CD38: variants seen among roughly 807,000 people sequenced by gnomAD.
CD38 encodes the protein CD38 molecule.
Under a neutral mutation model 36.3 loss-of-function variants are expected in CD38, and 31 were observed. The observed-to-expected ratio is 0.85, with a 90% CI of 0.64 to 1.15. CD38 has a LOEUF of 1.15. CD38 is among the 50% of genes most tolerant of loss of function. The pLI is 0.00. For missense variants in CD38, 380 were observed against 371.9 expected (o/e 1.02, Z -0.18); for synonymous variants, 131 against 135.2 (o/e 0.97, Z 0.22).
intron 1 of CD38, among the ~76,000 whole-genome samples, chr4:15,790,558 C>T (rs879747472): frequency 9.4e-5 from 14 of 148,774 alleles, no homozygotes; most frequent in African/African-American, 2.2e-4. Context: ...TGCCTTGGCC[C>T]CCCAAAGTGC....
intron 2 of CD38, among the ~76,000 whole-genome samples, chr4:15,817,122 G>GT (rs1723619284): frequency 6.6e-6 from 1 of 152,174 alleles, no homozygotes; most frequent in African/African-American, 2.4e-5. Context: ...GGCACATCAG[G>GT]TGTCAGCATC....
intron 1 of CD38, among the ~76,000 whole-genome samples, chr4:15,788,278 C>T (rs750247720): frequency 6.6e-5 from 10 of 152,194 alleles, no homozygotes; most frequent in Non-Finnish European, 1.0e-4. Flanking sequence ...CCACCCAGTG[C>T]ACCATGGAGA....
At chr4:15,821,090 C>T (rs750364384) in intron 2 of CD38, among the ~76,000 whole-genome samples, 8 of 152,058 alleles carry the variant, frequency 5.3e-5, no homozygotes, top group Non-Finnish European at 8.8e-5. Context: ...TGAATGACTC[C>T]TGGGTAAATA....
At chr4:15,789,946 A>G (rs947894127) in intron 1 of CD38, among the ~76,000 whole-genome samples, 1 of 152,220 alleles carries the variant, frequency 6.6e-6, no homozygotes, top group Non-Finnish European at 1.5e-5. Flanking sequence ...GTATTCTGCT[A>G]TAAGCAACAG....
At chr4:15,780,590 C>T (rs1023989499) in intron 1 of CD38, among the ~76,000 whole-genome samples, 4 of 144,918 alleles carry the variant, frequency 2.8e-5, no homozygotes, top group African/African-American at 1.1e-4. Context: ...AGCCACATCC[C>T]TGAAATCTTG....
At chr4:15,825,400 G>C in intron 3 of CD38, 1 of 206,250 alleles carries the variant, frequency 4.8e-6, no homozygotes, top group Non-Finnish European at 9.9e-6. Flanking sequence ...ATGACCAGCT[G>C]TCCTGGGAAC....
Position 15,778,641 on chromosome 4 carries a change from A to G in CD38, c.227A>G (p.Glu76Gly). Residue 76 changes from glutamate (E) to glycine (G), a missense_variant, in exon 1 of 8, where the codon GAG becomes GGG. Physicochemically the swap from Glu to Gly is moderately conservative, Grantham distance 98. Coordinates refer to ENST00000226279, the MANE Select transcript of CD38 (RefSeq NM_001775.4). The surrounding 1 kb of genome is among the most constrained non-coding windows in gnomAD (Gnocchi z 4.9). ...RCVKYTEIHP[E>G]MRHVDCQSVW... ...GTCAAGTACACTGAAATTCATCCTG[A>G]GATGAGGTGGGTTGGCGACTAAGGC... 6.2e-7 allele frequency: 1 copy of G among 1,608,978 alleles called. No individual in the cohort carries two copies. The highest frequency in any genetic ancestry group is 8.5e-7 in the Non-Finnish European group (1 of 1,175,824).
intron 1 of CD38, among the ~76,000 whole-genome samples, chr4:15,813,213 C>T (rs73226579): frequency 4.6e-5 from 7 of 152,268 alleles, no homozygotes; most frequent in Non-Finnish European, 1.0e-4. Context: ...TAAGGGGGAG[C>T]ATCCAGTCTT....
rs2148911510 is a variant in CD38, at chr4:15,778,360, C to A, written c.-55C>A. 1.7e-6 allele frequency: 2 copies of A among 1,204,182 alleles called. No individual in the cohort carries two copies. Among genetic ancestry groups the A allele is most frequent in the Non-Finnish European group, 2.5e-6 (2 of 814,114 alleles). The allele number at this position is 1,204,182 out of a possible 1,614,324, so 74.6% of individuals were successfully genotyped here. A position where few individuals can be genotyped will look rare whatever the true frequency, so the allele number is the denominator to read the frequency against. ...CAGAACCCAGCCAGCCTCTCTCTTGCTGCCTAGCCTCCTGCCGGCCTCATC... is the reference window on the plus strand; with the variant it reads ...CAGAACCCAGCCAGCCTCTCTCTTGATGCCTAGCCTCCTGCCGGCCTCATC... On this transcript the variant is annotated 5_prime_UTR_variant, in exon 1 of 8. The change creates a new upstream start codon in the 5' untranslated region. Transcript: ENST00000226279. The surrounding 1 kb of genome is among the most constrained non-coding windows in gnomAD (Gnocchi z 4.9).
chr4:15,792,468 G>GAATAAATCAAGAAAAAAAAAA (rs1723025638), intron 1 of CD38, among the ~76,000 whole-genome samples: 1 of 142,496 alleles, frequency 7.0e-6, no homozygotes, highest in African/African-American at 2.7e-5. Flanking sequence ...GAAAAAAAAA[G>GAATAAATCAAGAAAAAAAAAA]AAAAGAAAAG....
rs1202066969 is a variant in CD38 at position 15,839,941 on chromosome 4, C to A, written c.660-85C>A. On this transcript the variant is annotated intron_variant, in intron 5 of 7. Transcript: ENST00000226279. ...TCTAAAGGATAGGTCCTAGCCAGTG[C>A]CTTTCTGCCTGCTGGTTGTTGAGGG... is the stretch of plus-strand genomic sequence containing the variant. The A allele has an allele frequency of 5.7e-6, 5 of 871,042 alleles. No homozygotes were observed. In the East Asian group the frequency reaches 9.6e-5, roughly 17 times the overall value. 54.0% of individuals were successfully genotyped at this position (871,042 alleles called of 1,614,324 possible).
chr4:15,798,504 A>C (rs1472595263), intron 1 of CD38, among the ~76,000 whole-genome samples: 1 of 152,228 alleles, frequency 6.6e-6, no homozygotes, highest in African/African-American at 2.4e-5. Context: ...GAATTGGGCC[A>C]CACGGTTACC....
chr4:15,798,507 C>T (rs968392027), intron 1 of CD38, among the ~76,000 whole-genome samples: 1 of 152,172 alleles, frequency 6.6e-6, no homozygotes, highest in African/African-American at 2.4e-5. Flanking sequence ...TTGGGCCACA[C>T]GGTTACCCAA....
At chr4:15,796,637 G>A (rs1377786847) in intron 1 of CD38, among the ~76,000 whole-genome samples, 4 of 151,790 alleles carry the variant, frequency 2.6e-5, no homozygotes, top group Admixed American at 6.6e-5. Flanking sequence ...TACTCTTTCC[G>A]CCGATTTTCT....
intron 1 of CD38, among the ~76,000 whole-genome samples, chr4:15,812,811 T>C (rs930325667): frequency 6.6e-6 from 1 of 152,256 alleles, no homozygotes; most frequent in African/African-American, 2.4e-5. Context: ...TTTTTCAATG[T>C]TCCAGTCCTG....
At chr4:15,784,839 C>T (rs935665726) in intron 1 of CD38, among the ~76,000 whole-genome samples, 3 of 152,014 alleles carry the variant, frequency 2.0e-5, no homozygotes, top group South Asian at 2.1e-4. Flanking sequence ...GGGTGGATGA[C>T]GAGGTCAGGG....
intron 2 of CD38, among the ~76,000 whole-genome samples, chr4:15,820,641 A>G (rs967379840): frequency 7.2e-5 from 11 of 152,226 alleles, no homozygotes; most frequent in Non-Finnish European, 1.6e-4. Context: ...AGAGCAAACT[A>G]TCTTAAATAT....
intron 1 of CD38, among the ~76,000 whole-genome samples, chr4:15,802,543 T>TTTA (rs1723251599): frequency 6.7e-6 from 1 of 149,918 alleles, no homozygotes; most frequent in Non-Finnish European, 1.5e-5. Flanking sequence ...TTTATTTTAT[T>TTTA]TTATTTTATT....
chr4:15,838,900 C>G (rs1261427600), intron 5 of CD38, among the ~76,000 whole-genome samples: 1 of 152,180 alleles, frequency 6.6e-6, no homozygotes, highest in African/African-American at 2.4e-5. Context: ...AGCTATTATT[C>G]TCATTTGCTG....
Sources: allele counts gnomAD v4.1 joint callset (sites outside exome capture counted in the v4.1 genomes callset), GRCh38; gene constraint gnomAD v4.1.1; non-coding constraint Gnocchi (gnomAD v3.1); transcripts MANE v1.5; gene names NCBI Gene and HGNC (gene_info 2026-07-23, HGNC 2026-07-21).